Variants in SDE2 observed in about 807,000 individuals in gnomAD.
The protein encoded by SDE2 is spliceosome associated SDE2, also known as splicing regulator SDE2.
Under a neutral mutation model 46.9 loss-of-function variants are expected in SDE2, and 31 were observed. The ratio of observed to expected loss-of-function variants is 0.66; its 90% CI spans 0.50 to 0.89. The LOEUF is 0.89. Ranked by LOEUF, SDE2 falls within the 40% of genes least tolerant of loss-of-function variation. SDE2 has a pLI of 0.00. For missense variants in SDE2, 542 were observed against 564.4 expected (o/e 0.96, Z 0.40); for synonymous variants, 205 against 204.3 (o/e 1.00, Z -0.03).
chr1:225,997,000 A>G (rs1052452250), intron 1 of SDE2, among the ~76,000 whole-genome samples: 2 of 152,280 alleles, frequency 1.3e-5, no homozygotes, highest in East Asian at 3.9e-4. Flanking sequence ...TATTGAGAGA[A>G]CTTTAAACAG....
chr1:225,998,505 A>G (rs1245281950), intron 1 of SDE2, among the ~76,000 whole-genome samples: 1 of 152,222 alleles, frequency 6.6e-6, no homozygotes, highest in Non-Finnish European at 1.5e-5. Context: ...TTGACAACTG[A>G]ACAGGTTTAA....
In SDE2 at chr1:225,995,739, G is replaced by A. The variant is rs531611534; in HGVS notation, c.121-356C>T. ...CCCATTTTCTGACTTTCTTAAACAG[G>A]TAAAATTAAATTGAACATCAAAAGT... On this transcript the variant is annotated intron_variant, in intron 1 of 6. Transcript: ENST00000272091. 5.3e-5 allele frequency among the ~76,000 whole-genome samples: 8 copies of A among 152,222 alleles called. No individual in the cohort carries two copies. The South Asian group carries it at 1.2e-3, about 24-fold the overall frequency.
At chr1:225,987,110 T>G (rs1366105769) in intron 6 of SDE2, among the ~76,000 whole-genome samples, 1 of 152,204 alleles carries the variant, frequency 6.6e-6, no homozygotes, top group Non-Finnish European at 1.5e-5. Flanking sequence ...TGGTACAATC[T>G]CATCTCACTG....
intron 2 of SDE2, among the ~76,000 whole-genome samples, chr1:225,994,110 T>C (rs964180687): frequency 4.7e-5 from 7 of 150,518 alleles, no homozygotes; most frequent in African/African-American, 1.7e-4. Flanking sequence ...AGAGTCTCAC[T>C]GTGTCGCCCA....
At chr1:225,989,937 A>C (rs770467913) in intron 5 of SDE2, among the ~76,000 whole-genome samples, 3 of 151,964 alleles carry the variant, frequency 2.0e-5, no homozygotes, top group Non-Finnish European at 4.4e-5. Flanking sequence ...TCAGCTGGGC[A>C]TGGTGGTATG....
In SDE2 at chr1:225,988,276, C is replaced by A. The variant is rs767011213; in HGVS notation, c.754G>T (p.Gly252Cys). The A allele has an allele frequency of 6.2e-7, 1 of 1,614,178 alleles. No individual in the cohort carries two copies. The highest frequency in any genetic ancestry group is 8.5e-7 in the Non-Finnish European group (1 of 1,180,036). The change falls in exon 6 of 7, where the codon GGT becomes TGT. Residue 252 changes from glycine to cysteine, a missense_variant. Coordinates refer to ENST00000272091, the MANE Select transcript of SDE2 (RefSeq NM_152608.4). Reference protein sequence around the residue: ...SGMGFHAPKIGSNGVEMAAKF... With the variant: ...SGMGFHAPKICSNGVEMAAKF... ...GCTGCCATCTCGACACCATTGCTAC[C>A]AATTTTTGGAGCATGGAAACCCATT...
Position 225,991,326 on chromosome 1 carries a change from T to G in SDE2, c.558A>C (p.Glu186Asp). The change falls in exon 5 of 7, where the codon GAA (glutamate) becomes GAC (aspartate). Residue 186 changes from glutamate to aspartate, a missense_variant. Glu to Asp is a conservative substitution (Grantham distance 45). Around this residue, in one of 3 missense-constraint regions of SDE2, gnomAD observed 401 missense variants for 437.8 expected, o/e 0.92. Transcript: ENST00000272091. ...QAASSKMVSA[E>D]ISENRKRQWP... ...ATTGCCGTTTCCGATTCTCACTGAT[T>G]TCTGCTGAAACCATCTTGCTGGAGG... 1.2e-6 allele frequency: 2 copies of G among 1,614,060 alleles called. No homozygotes were observed. Among genetic ancestry groups the G allele is most frequent in the Non-Finnish European group, 1.7e-6 (2 of 1,179,920 alleles).
intron 6 of SDE2, among the ~76,000 whole-genome samples, chr1:225,986,216 C>T (rs1446485554): frequency 6.6e-6 from 1 of 151,674 alleles, no homozygotes; most frequent in Non-Finnish European, 1.5e-5. Flanking sequence ...GTAGTCTCAG[C>T]GTGCCTGTAG....
intron 4 of SDE2, 99 bp from the exon 5 acceptor site, chr1:225,991,462 CCAG>C: frequency 2.3e-6 from 2 of 864,956 alleles, no homozygotes; most frequent in Non-Finnish European, 3.6e-6. Flanking sequence ...ATCTACAGCT[CCAG>C]ATTTAAATTT....
rs1998272 is a variant in SDE2, at chr1:225,996,580, A to G, written c.121-1197T>C. Among the ~76,000 whole-genome samples, 145 of 152,344 alleles carry G rather than the reference A, an allele frequency of 9.5e-4. 1 individual carries two copies. The highest frequency in any genetic ancestry group is 2.2e-3 in the Admixed American group (34 of 15,306). On this transcript the variant is annotated intron_variant, in intron 1 of 6. Coordinates refer to ENST00000272091, the MANE Select transcript of SDE2 (RefSeq NM_152608.4). Reference sequence around the variant, plus strand: ...CTGCTTTTAACCATTTGTGCATTGTAAAGTGCTTCAAACACAAATTATCAT... The same window carrying G: ...CTGCTTTTAACCATTTGTGCATTGTGAAGTGCTTCAAACACAAATTATCAT...
Position 225,984,646 on chromosome 1 carries a change from T to A in SDE2, c.*656A>T, listed in dbSNP as rs1656229418. ...TAACACAGTGAAACCCAGTCTCCACTAAAAATATAAAAAATTAGCCGGGCG... is the reference window on the plus strand; with the variant it reads ...TAACACAGTGAAACCCAGTCTCCACAAAAAATATAAAAAATTAGCCGGGCG... On this transcript the variant is annotated 3_prime_UTR_variant, in exon 7 of 7. Coordinates refer to ENST00000272091, the MANE Select transcript of SDE2 (RefSeq NM_152608.4). 1 of 151,866 alleles carries A rather than the reference T, an allele frequency of 6.6e-6. No homozygotes were observed. Among genetic ancestry groups the A allele is most frequent in the Non-Finnish European group, 1.5e-5 (1 of 68,052 alleles). 9.4% of individuals were successfully genotyped at this position (151,866 alleles called of 1,614,324 possible).
intron 6 of SDE2, 97 bp downstream of exon 6, chr1:225,987,799 T>G: frequency 9.0e-7 from 1 of 1,113,958 alleles, no homozygotes; most frequent in South Asian, 1.5e-5. Flanking sequence ...AGCCTTTCAC[T>G]AAGCAGCTGA....
At chr1:225,986,705 A>G (rs1656278159) in intron 6 of SDE2, among the ~76,000 whole-genome samples, 1 of 152,236 alleles carries the variant, frequency 6.6e-6, no homozygotes. Context: ...TTATTTTTCT[A>G]AGACTTCAGT....
chr1:225,985,566 C>T (rs552858704), intron 6 of SDE2, 43 bp from the exon 7 acceptor site: 1 of 1,270,112 alleles, frequency 7.9e-7, no homozygotes, highest in Non-Finnish European at 1.1e-6. Context: ...AGGCTCCTTC[C>T]TCTGAATAAA....
At chr1:225,987,478 C>T (rs954642720) in intron 6 of SDE2, among the ~76,000 whole-genome samples, 8 of 152,168 alleles carry the variant, frequency 5.3e-5, no homozygotes, top group Non-Finnish European at 1.2e-4. Context: ...GCTATCCTCA[C>T]ATTAGAAAAA....
intron 6 of SDE2, among the ~76,000 whole-genome samples, chr1:225,986,597 T>C (rs773912303): frequency 2.0e-5 from 3 of 152,228 alleles, no homozygotes; most frequent in Non-Finnish European, 2.9e-5. Flanking sequence ...AGAATCACAC[T>C]TGGTTGTTAG....
In SDE2 at chr1:225,983,355, G is replaced by A. The variant is rs979418159; in HGVS notation, c.*1947C>T. 2 of 152,240 alleles carry A rather than the reference G, an allele frequency of 1.3e-5. No homozygotes were observed. The highest frequency in any genetic ancestry group is 4.8e-5 in the African/African-American group (2 of 41,544). The allele number at this position is 152,240 out of a possible 1,614,324, so 9.4% of individuals were successfully genotyped here. A position where few individuals can be genotyped will look rare whatever the true frequency, so the allele number is the denominator to read the frequency against. The stretch of plus-strand genomic sequence containing the variant: ...CATTAGGAAGACATAAGTTATTAGA[G>A]CTTCATACAAAAACTGGTAGAATTT... On this transcript the variant is annotated 3_prime_UTR_variant, in exon 7 of 7. Transcript: ENST00000272091.
chr1:225,988,027 T>G lies in SDE2; in HGVS notation c.1003A>C (p.Thr335Pro). 2 of 1,614,218 alleles carry G rather than the reference T, an allele frequency of 1.2e-6. No individual in the cohort carries two copies. The highest frequency in any genetic ancestry group is 8.5e-7 in the Non-Finnish European group (1 of 1,180,014). ...TTATCCTTATTCAGTCCAGCCCCAG[T>G]GGGCTCCTCTTCTATGGGTTCTTTA... ...ESKEPIEEEPTGAGLNKDKET... is the reference protein window; with the variant it reads ...ESKEPIEEEPPGAGLNKDKET... The change falls in exon 6 of 7, where the codon ACT (threonine) becomes CCT (proline). Residue 335 changes from threonine (T) to proline (P), a missense_variant. Thr to Pro is a conservative substitution (Grantham distance 38, BLOSUM62 -1). Around this residue, in one of 3 missense-constraint regions of SDE2, gnomAD observed 401 missense variants for 437.8 expected, o/e 0.92. Transcript: ENST00000272091.
Position 225,995,394 on chromosome 1 carries a change from ATTTG to A in SDE2, c.121-15_121-12del, listed in dbSNP as rs1416864971. ...TTCCACTGGAACATTCTAGAGACAAATTTGTTTTTTTAATGCCTTTTATGAGATA... is the reference window on the plus strand; with the variant it reads ...TTCCACTGGAACATTCTAGAGACAAATTTTTTTAATGCCTTTTATGAGATA... On this transcript the variant is annotated splice_polypyrimidine_tract_variant and intron_variant, in intron 1 of 6. Coordinates refer to ENST00000272091, the MANE Select transcript of SDE2 (RefSeq NM_152608.4). The A allele has an allele frequency of 6.6e-7, 1 of 1,523,316 alleles. No individual in the cohort carries two copies. The highest frequency in any genetic ancestry group is 1.4e-5 in the African/African-American group (1 of 72,992). 94.4% of individuals were successfully genotyped at this position (1,523,316 alleles called of 1,614,324 possible).
Sources: allele counts gnomAD v4.1 joint callset (sites outside exome capture counted in the v4.1 genomes callset), GRCh38; gene constraint gnomAD v4.1.1; regional missense constraint gnomAD v4.1.1; transcripts MANE v1.5; gene names NCBI Gene and HGNC (gene_info 2026-07-23, HGNC 2026-07-21).